The following RORB variants were observed in gnomAD, a reference collection of about 807,000 sequenced individuals.
The protein encoded by RORB is nuclear receptor ROR-beta.
In RORB, 6 loss-of-function variants were observed where a neutral mutation model predicts 59.1. The observed-to-expected ratio is 0.10, with a 90% CI of 0.06 to 0.20. RORB has a LOEUF of 0.20. Among genes scored for constraint, RORB ranks in the 10% least tolerant of loss-of-function variants. The pLI is 1.00. For missense variants in RORB, 320 were observed against 560.5 expected (o/e 0.57, Z 4.33); for synonymous variants, 215 against 204.5 (o/e 1.05, Z -0.44).
At chr9:74,624,529 T>C (rs1228689547) in intron 1 of RORB, among the ~76,000 whole-genome samples, 1 of 152,188 alleles carries the variant, frequency 6.6e-6, no homozygotes, top group African/African-American at 2.4e-5. Context: ...TTTTCCAAGA[T>C]CCTATCCCAT....
rs1824684034 is a variant in RORB at position 74,688,444 on chromosome 9, T to C, written c.*2826T>C. ...AACTTGGTTCCTTCCCCATGAGGAC[T>C]AACAAATGTTCACAACAATCATGAT... is the stretch of plus-strand genomic sequence containing the variant. On this transcript the variant is annotated 3_prime_UTR_variant, in exon 10 of 10. Coordinates refer to ENST00000376896, the MANE Select transcript of RORB (RefSeq NM_006914.4). The C allele has an allele frequency of 6.6e-6, 1 of 152,148 alleles. No homozygotes were observed. The highest frequency in any genetic ancestry group is 2.4e-5 in the African/African-American group (1 of 41,426). 9.4% of individuals were successfully genotyped at this position (152,148 alleles called of 1,614,324 possible).
chr9:74,681,743 G>T (rs79129640), intron 9 of RORB, among the ~76,000 whole-genome samples: 7,568 of 152,170 alleles, frequency 0.05, 268 homozygotes, highest in Non-Finnish European at 0.062. Flanking sequence ...AATGGTTTCA[G>T]TCACCCTCTT....
chr9:74,604,646 T>A (rs1409541294), intron 1 of RORB, among the ~76,000 whole-genome samples: 1 of 152,188 alleles, frequency 6.6e-6, no homozygotes, highest in East Asian at 1.9e-4. Flanking sequence ...TGTTAGTAAG[T>A]GTAGTGGTGT....
chr9:74,651,170 T>C (rs1823984347), intron 4 of RORB, among the ~76,000 whole-genome samples: 1 of 152,174 alleles, frequency 6.6e-6, no homozygotes, highest in African/African-American at 2.4e-5. Context: ...CAAGTGTTTG[T>C]AAGCCTGTAA....
intron 1 of RORB, among the ~76,000 whole-genome samples, chr9:74,603,725 T>C (rs1220850220): frequency 6.6e-6 from 1 of 152,214 alleles, no homozygotes; most frequent in Non-Finnish European, 1.5e-5. Flanking sequence ...AATGAACATG[T>C]TATTAGATAG....
chr9:74,603,522 G>A (rs898026540), intron 1 of RORB, among the ~76,000 whole-genome samples: 2 of 152,182 alleles, frequency 1.3e-5, no homozygotes, highest in African/African-American at 4.8e-5. Flanking sequence ...TTCAGTCTCA[G>A]TCCACTGGGA....
chr9:74,624,465 A>G (rs761563544), intron 1 of RORB, among the ~76,000 whole-genome samples: 1 of 152,222 alleles, frequency 6.6e-6, no homozygotes, highest in African/African-American at 2.4e-5. Flanking sequence ...ACCTTCTAGC[A>G]TGGTATAGCG....
intron 1 of RORB, among the ~76,000 whole-genome samples, chr9:74,520,166 C>T (rs1179252746): frequency 6.6e-6 from 1 of 151,852 alleles, no homozygotes; most frequent in African/African-American, 2.4e-5. Context: ...AAATCAGCGG[C>T]TTAACCAGAC....
intron 1 of RORB, among the ~76,000 whole-genome samples, chr9:74,617,961 T>G (rs939895389): frequency 2.0e-5 from 3 of 152,190 alleles, no homozygotes. Flanking sequence ...TTCCTTTTAT[T>G]TCAAGATTCA....
chr9:74,503,084 T>C (rs1254798028), intron 1 of RORB, among the ~76,000 whole-genome samples: 2 of 152,070 alleles, frequency 1.3e-5, no homozygotes, highest in African/African-American at 4.8e-5. Context: ...ATGTTTTTTA[T>C]TCTAGATGTA....
chr9:74,681,568 G>A (rs1277656885), intron 9 of RORB, among the ~76,000 whole-genome samples: 3 of 152,182 alleles, frequency 2.0e-5, no homozygotes, highest in Non-Finnish European at 4.4e-5. Context: ...TTCTATAGAT[G>A]AGCAACAGGA....
At chr9:74,573,447 G>A (rs2118233121) in intron 1 of RORB, among the ~76,000 whole-genome samples, 1 of 138,900 alleles carries the variant, frequency 7.2e-6, no homozygotes, top group Admixed American at 7.9e-5. Flanking sequence ...TTCAACCAAA[G>A]GCTGAGCTTT....
intron 1 of RORB, among the ~76,000 whole-genome samples, chr9:74,539,731 A>G (rs1242968363): frequency 6.6e-6 from 1 of 152,154 alleles, no homozygotes. Flanking sequence ...CAGGGAAGAC[A>G]GGGGCCAGTG....
At chr9:74,543,754 T>C (rs1455751994) in intron 1 of RORB, among the ~76,000 whole-genome samples, 1 of 149,916 alleles carries the variant, frequency 6.7e-6, no homozygotes, top group African/African-American at 2.5e-5. Context: ...ATAATCCCCT[T>C]ATCAATGATC....
In RORB at chr9:74,660,600, G is replaced by A. The variant is rs772148429; in HGVS notation, c.638-17G>A. On this transcript the variant is annotated splice_polypyrimidine_tract_variant and intron_variant, in intron 4 of 9. Coordinates refer to ENST00000376896, the MANE Select transcript of RORB (RefSeq NM_006914.4). Reference sequence around the variant, plus strand: ...AATTTTATTCACAAACCTTTGAATTGATATCTTTTCTCACAGACCGAATTG... The same window carrying A: ...AATTTTATTCACAAACCTTTGAATTAATATCTTTTCTCACAGACCGAATTG... 5.1e-5 allele frequency: 82 copies of A among 1,599,332 alleles called. No homozygotes were observed. The highest frequency in any genetic ancestry group is 1.4e-5 in the Non-Finnish European group (16 of 1,174,548).
At chr9:74,667,941 G>T in intron 8 of RORB, 40 bp downstream of exon 8, 1 of 1,332,164 alleles carries the variant, frequency 7.5e-7, no homozygotes, top group Non-Finnish European at 1.1e-6. Flanking sequence ...TAAAAAACTT[G>T]TTTTACTATT....
At chr9:74,533,068 T>A (rs2118104627) in intron 1 of RORB, among the ~76,000 whole-genome samples, 1 of 151,910 alleles carries the variant, frequency 6.6e-6, no homozygotes, top group East Asian at 2.0e-4. Context: ...ATTTTCTCTG[T>A]ATTTCCATTT....
At chr9:74,675,576 CTGT>C (rs1410722097) in intron 9 of RORB, among the ~76,000 whole-genome samples, 2 of 152,110 alleles carry the variant, frequency 1.3e-5, no homozygotes, top group African/African-American at 4.8e-5. Flanking sequence ...GGATATTTTA[CTGT>C]TATAAAAAGT....
At chr9:74,663,272 A>C (rs1435155692) in intron 6 of RORB, among the ~76,000 whole-genome samples, 1 of 152,250 alleles carries the variant, frequency 6.6e-6, no homozygotes, top group South Asian at 2.1e-4. Context: ...CATAATAATA[A>C]TAATAACATA....
Sources: gnomAD v4.1 joint callset for allele counts (sites outside exome capture counted in the v4.1 genomes callset) on GRCh38, gnomAD v4.1.1 for gene constraint, MANE v1.5 for transcripts, NCBI Gene and HGNC (gene_info 2026-07-23, HGNC 2026-07-21) for gene names.